Variants in ANKS1B observed in about 807,000 individuals in gnomAD.
The protein encoded by ANKS1B is ankyrin repeat and sterile alpha motif domain-containing protein 1B.
Under a neutral mutation model 148.3 loss-of-function variants are expected in ANKS1B, and 36 were observed. The observed-to-expected ratio is 0.24, with a 90% CI of 0.19 to 0.32. The LOEUF is 0.32. Among genes scored for constraint, ANKS1B ranks in the 10% least tolerant of loss-of-function variants. The pLI is 1.00. For synonymous variants in ANKS1B, 542 were observed against 560.8 expected (o/e 0.97, Z 0.47); for missense variants, 1,157 against 1,542.6 (o/e 0.75, Z 4.19).
At position 99,408,167 on chromosome 12, in the gene ANKS1B, C is replaced by G. The variant is rs558833076; in HGVS notation, c.1576-8356G>C. Reference sequence around the variant, plus strand: ...GAAGCAGACAAATAGACCAATGGAACAGAATGGACAACCCAGGAACAAATC... The same window carrying G: ...GAAGCAGACAAATAGACCAATGGAAGAGAATGGACAACCCAGGAACAAATC... On this transcript the variant is annotated intron_variant, in intron 11 of 26. Coordinates refer to ENST00000683438, the MANE Select transcript of ANKS1B (RefSeq NM_001352186.2). 8.5e-4 allele frequency among the ~76,000 whole-genome samples: 123 copies of G among 145,364 alleles called. 14 individuals carry two copies. The highest frequency in any genetic ancestry group is 1.6e-3 in the Non-Finnish European group (106 of 65,928).
chr12:99,352,412 G>A (rs960145925), intron 12 of ANKS1B, among the ~76,000 whole-genome samples: 5 of 151,822 alleles, frequency 3.3e-5, no homozygotes, highest in African/African-American at 1.2e-4. Flanking sequence ...TCTGGGAGGG[G>A]GGAGTCTGCT....
chr12:99,005,088 G>A (rs889321353), intron 17 of ANKS1B, among the ~76,000 whole-genome samples: 2 of 152,202 alleles, frequency 1.3e-5, no homozygotes, highest in African/African-American at 4.8e-5. Flanking sequence ...GTCCCTTGCT[G>A]TAACAAACGA....
At chr12:98,983,837 T>C (rs2099921754) in intron 17 of ANKS1B, among the ~76,000 whole-genome samples, 1 of 152,204 alleles carries the variant, frequency 6.6e-6, no homozygotes, top group African/African-American at 2.4e-5. Context: ...AATAATTCTC[T>C]TTAGCTCTCA....
rs546312356 is a variant in ANKS1B at position 99,479,456 on chromosome 12, C to A, written c.1438+25020G>T. On this transcript the variant is annotated intron_variant, in intron 10 of 26. Coordinates refer to ENST00000683438, the MANE Select transcript of ANKS1B (RefSeq NM_001352186.2). ...TTTCTTCAAATTTGTTTTGTTTTTG[C>A]AATACATTTCCATAATGCTATTGAC... is the stretch of plus-strand genomic sequence containing the variant. 5.3e-5 allele frequency among the ~76,000 whole-genome samples: 8 copies of A among 152,038 alleles called. No individual in the cohort carries two copies. In the South Asian group the frequency reaches 1.7e-3, roughly 31 times the overall value.
chr12:99,701,434 G>C (rs1436457939), intron 8 of ANKS1B, among the ~76,000 whole-genome samples: 1 of 151,702 alleles, frequency 6.6e-6, no homozygotes, highest in Non-Finnish European at 1.5e-5. Context: ...ATATTTATGA[G>C]GTACATGAGA....
chr12:99,881,206 A>G (rs553049470), intron 1 of ANKS1B, among the ~76,000 whole-genome samples: 1 of 152,326 alleles, frequency 6.6e-6, no homozygotes, highest in East Asian at 1.9e-4. Context: ...ACAGGTAGGA[A>G]AACAAAGAGA....
chr12:99,461,826 T>A (rs564746693), intron 10 of ANKS1B, among the ~76,000 whole-genome samples: 3 of 152,352 alleles, frequency 2.0e-5, no homozygotes, highest in Admixed American at 6.5e-5. Flanking sequence ...GGCTAACCCA[T>A]GTATTTCATT....
At chr12:99,143,336 G>T (rs747256755) in intron 15 of ANKS1B, among the ~76,000 whole-genome samples, 2 of 152,004 alleles carry the variant, frequency 1.3e-5, no homozygotes, top group Non-Finnish European at 2.9e-5. Context: ...AGAGTTGCAA[G>T]GGCTCTTGTT....
At chr12:99,278,717 T>C (rs970078026) in intron 12 of ANKS1B, among the ~76,000 whole-genome samples, 7 of 152,154 alleles carry the variant, frequency 4.6e-5, no homozygotes, top group Non-Finnish European at 8.8e-5. Flanking sequence ...ACAACCTAAC[T>C]GGTACATATT....
chr12:99,758,328 T>G (rs893727056), intron 8 of ANKS1B, among the ~76,000 whole-genome samples: 1 of 151,830 alleles, frequency 6.6e-6, no homozygotes, highest in Non-Finnish European at 1.5e-5. Context: ...TAAGACAAAA[T>G]GGGAAGGTTA....
At chr12:99,413,948 C>A (rs1511968) in intron 11 of ANKS1B, among the ~76,000 whole-genome samples, 2 of 151,902 alleles carry the variant, frequency 1.3e-5, no homozygotes, top group Non-Finnish European at 2.9e-5. Flanking sequence ...ACACCCTGAC[C>A]GAGGCCCTGA....
At chr12:99,228,407 G>A (rs2086291721) in intron 14 of ANKS1B, among the ~76,000 whole-genome samples, 1 of 117,224 alleles carries the variant, frequency 8.5e-6, no homozygotes, top group Non-Finnish European at 1.9e-5. Flanking sequence ...AACAATATTT[G>A]TCAATCTATC....
At chr12:99,643,524 CCT>C (rs2098330632) in intron 9 of ANKS1B, among the ~76,000 whole-genome samples, 1 of 152,158 alleles carries the variant, frequency 6.6e-6, no homozygotes, top group South Asian at 2.1e-4. Context: ...TCAGCTCTAC[CCT>C]CTCGGGCCTC....
intron 8 of ANKS1B, among the ~76,000 whole-genome samples, chr12:99,767,144 C>T (rs1277132257): frequency 6.6e-6 from 1 of 151,720 alleles, no homozygotes; most frequent in East Asian, 1.9e-4. Flanking sequence ...TCTTAAAATA[C>T]TAAAATAAAA....
At chr12:99,637,036 T>C (rs1181343689) in intron 9 of ANKS1B, among the ~76,000 whole-genome samples, 1 of 152,102 alleles carries the variant, frequency 6.6e-6, no homozygotes, top group East Asian at 1.9e-4. Context: ...CCGGGTGTGG[T>C]GGCTCACACC....
chr12:99,347,017 T>G (rs1478471575), intron 12 of ANKS1B, among the ~76,000 whole-genome samples: 1 of 152,026 alleles, frequency 6.6e-6, no homozygotes, highest in African/African-American at 2.4e-5. Context: ...TCTACCAGTG[T>G]GGGTCCTGGT....
chr12:99,290,052 G>T (rs956789021), intron 12 of ANKS1B, among the ~76,000 whole-genome samples: 1 of 150,888 alleles, frequency 6.6e-6, no homozygotes, highest in African/African-American at 2.4e-5. Context: ...AACTAAAAAG[G>T]CCTAAATACA....
At chr12:99,077,450 A>G (rs1249113672) in intron 16 of ANKS1B, among the ~76,000 whole-genome samples, 1 of 152,158 alleles carries the variant, frequency 6.6e-6, no homozygotes, top group Non-Finnish European at 1.5e-5. Flanking sequence ...GTACCATGAG[A>G]GCATCTATGC....
chr12:98,783,381 G>A (rs1375985220), intron 22 of ANKS1B, among the ~76,000 whole-genome samples: 1 of 152,214 alleles, frequency 6.6e-6, no homozygotes, highest in Non-Finnish European at 1.5e-5. Flanking sequence ...GTCTGCCATG[G>A]GAGAAGAAGA....
Sources: gnomAD v4.1 joint callset for allele counts (sites outside exome capture counted in the v4.1 genomes callset) on GRCh38, gnomAD v4.1.1 for gene constraint, MANE v1.5 for transcripts, NCBI Gene and HGNC (gene_info 2026-07-23, HGNC 2026-07-21) for gene names.